MARCHF1: variants seen among roughly 807,000 people sequenced by gnomAD.
The protein encoded by MARCHF1 is membrane associated ring-CH-type finger 1.
A neutral mutation model predicts 54.2 loss-of-function variants in MARCHF1; 40 were observed. The observed-to-expected ratio is 0.74, with a 90% confidence interval of 0.57 to 0.96. MARCHF1 has a LOEUF of 0.96. Among genes scored for constraint, MARCHF1 ranks in the 40% least tolerant of loss-of-function variants. The pLI is 0.00. For synonymous variants in MARCHF1, 236 were observed against 236.3 expected, an observed-to-expected ratio of 1.00 and a Z score of 0.01; for missense variants, 586 against 656.5, an observed-to-expected ratio of 0.89 and a Z score of 1.17.
chr4:164,047,708 T>G (rs542790713), intron 2 of MARCHF1, among the ~76,000 whole-genome samples: 1 of 152,342 alleles, frequency 6.6e-6, no homozygotes, highest in Non-Finnish European at 1.5e-5. Flanking sequence ...TCATTTCTGC[T>G]AAATAAGATC....
intron 3 of MARCHF1, among the ~76,000 whole-genome samples, chr4:163,884,450 A>C (rs1252656488): frequency 6.6e-6 from 1 of 152,118 alleles, no homozygotes; most frequent in Non-Finnish European, 1.5e-5. Flanking sequence ...TTTTAAAATG[A>C]AAGTGTCCCC....
intron 5 of MARCHF1, among the ~76,000 whole-genome samples, chr4:163,695,737 C>G (rs1744607196): frequency 6.6e-6 from 1 of 152,110 alleles, no homozygotes; most frequent in African/African-American, 2.4e-5. Flanking sequence ...ACAAGCCGTT[C>G]TTTCCTTTTG....
At chr4:164,017,115 T>C (rs530572346) in intron 2 of MARCHF1, among the ~76,000 whole-genome samples, 11 of 152,116 alleles carry the variant, frequency 7.2e-5, no homozygotes, top group African/African-American at 2.4e-4. Context: ...CAAAAATTAA[T>C]GTATTCCTTT....
chr4:163,633,944 A>G (rs1326892452), intron 5 of MARCHF1, among the ~76,000 whole-genome samples: 1 of 152,210 alleles, frequency 6.6e-6, no homozygotes. Context: ...CCAATATTCA[A>G]CATTCTTAAA....
In MARCHF1 at chr4:164,320,664, T is replaced by C. The variant is rs548628155; in HGVS notation, c.-323+63206A>G. Among the ~76,000 whole-genome samples, 6 of 152,188 alleles carry C rather than the reference T, an allele frequency of 3.9e-5. No homozygotes were observed. In the South Asian group the frequency reaches 1.2e-3, roughly 32 times the overall value. ...AGACTGAAAACAGAAAACCGGTCAA[T>C]TTACTACAACATGGGAATGACCTAG... On this transcript the variant is annotated intron_variant, in intron 1 of 9. Coordinates refer to ENST00000514618, the MANE Select transcript of MARCHF1 (RefSeq NM_001394959.1).
intron 3 of MARCHF1, among the ~76,000 whole-genome samples, chr4:163,898,109 A>T (rs925089288): frequency 4.0e-5 from 6 of 151,200 alleles, no homozygotes; most frequent in Admixed American, 6.6e-5. Flanking sequence ...ACTAGAAAAA[A>T]CTCTTTTGGA....
At chr4:163,721,626 A>C (rs578005072) in intron 4 of MARCHF1, among the ~76,000 whole-genome samples, 33 of 151,990 alleles carry the variant, frequency 2.2e-4, no homozygotes, top group Non-Finnish European at 3.5e-4. Context: ...CCTTGTACCT[A>C]TGGTAGAATT....
At chr4:163,663,759 A>G (rs1305849076) in intron 5 of MARCHF1, among the ~76,000 whole-genome samples, 1 of 152,092 alleles carries the variant, frequency 6.6e-6, no homozygotes, top group Non-Finnish European at 1.5e-5. Context: ...ACTAATATCT[A>G]TAAGCTCATG....
chr4:164,311,101 C>G (rs1019257791), intron 1 of MARCHF1, among the ~76,000 whole-genome samples: 7 of 152,060 alleles, frequency 4.6e-5, no homozygotes, highest in African/African-American at 1.4e-4. Context: ...AAAGTAGTTG[C>G]TTTTTAAGGT....
intron 1 of MARCHF1, among the ~76,000 whole-genome samples, chr4:164,119,013 G>C (rs997129533): frequency 1.4e-5 from 2 of 147,252 alleles, no homozygotes; most frequent in Non-Finnish European, 3.0e-5. Flanking sequence ...AATATATAAG[G>C]ATAAAGATAA....
chr4:163,815,450 C>T (rs1160545780), intron 4 of MARCHF1, among the ~76,000 whole-genome samples: 1 of 152,066 alleles, frequency 6.6e-6, no homozygotes. Context: ...TCATTGATTG[C>T]ATTAAATCAT....
chr4:163,625,981 C>T (rs1376164871), intron 5 of MARCHF1, among the ~76,000 whole-genome samples: 2 of 152,010 alleles, frequency 1.3e-5, no homozygotes, highest in Non-Finnish European at 1.5e-5. Flanking sequence ...TTTGTTCATC[C>T]CTTTATTAGG....
chr4:164,040,514 T>C (rs1185844999), intron 2 of MARCHF1, among the ~76,000 whole-genome samples: 1 of 150,094 alleles, frequency 6.7e-6, no homozygotes, highest in Non-Finnish European at 1.5e-5. Flanking sequence ...TTAAAGTATA[T>C]AGAATTTAAA....
At chr4:164,138,587 G>C (rs1359600663) in intron 1 of MARCHF1, among the ~76,000 whole-genome samples, 1 of 152,170 alleles carries the variant, frequency 6.6e-6, no homozygotes, top group Non-Finnish European at 1.5e-5. Context: ...GAACGGGTAT[G>C]GCCACAACTC....
intron 3 of MARCHF1, among the ~76,000 whole-genome samples, chr4:163,881,857 A>G (rs1398657787): frequency 2.0e-5 from 3 of 152,212 alleles, no homozygotes. Context: ...TACCTGTTGT[A>G]CATGAGCAGA....
intron 1 of MARCHF1, among the ~76,000 whole-genome samples, chr4:164,253,618 A>G (rs10026874): frequency 0.12 from 17,741 of 152,098 alleles, 1,624 homozygotes; most frequent in African/African-American, 0.25. Flanking sequence ...GTATATATCT[A>G]TATTTTCCTA....
intron 1 of MARCHF1, chr4:164,197,596 T>C (rs1731314277): frequency 6.2e-7 from 1 of 1,613,178 alleles, no homozygotes; most frequent in Non-Finnish European, 8.5e-7. Context: ...TTCAAATTCA[T>C]CTGTGAGGGC....
In MARCHF1 at chr4:163,547,323, A is replaced by C. The variant is rs150794665; in HGVS notation, c.1192-1580T>G. ...AACAAACTAATTCATTAGAGTCGGC[A>C]TTGTGCCCATCTTAAAGCTGCCTTT... is the stretch of plus-strand genomic sequence containing the variant. On this transcript the variant is annotated intron_variant, in intron 8 of 9. Transcript: ENST00000514618. Among the ~76,000 whole-genome samples the C allele has an allele frequency of 8.1e-3, 1,232 of 152,326 alleles. 18 individuals are homozygous for C. Among genetic ancestry groups the C allele is most frequent in the Middle Eastern group, 0.027 (8 of 294 alleles).
intron 1 of MARCHF1, among the ~76,000 whole-genome samples, chr4:164,135,061 T>A (rs898538016): frequency 3.9e-5 from 6 of 152,192 alleles, no homozygotes; most frequent in African/African-American, 1.4e-4. Flanking sequence ...TAAAAAGACA[T>A]AGTCCTCCTG....
Sources: allele counts gnomAD v4.1 joint callset (sites outside exome capture counted in the v4.1 genomes callset), GRCh38; gene constraint gnomAD v4.1.1; transcripts MANE v1.5; gene names NCBI Gene and HGNC (gene_info 2026-07-23, HGNC 2026-07-21).